Variants in TBX20 observed in about 807,000 individuals in gnomAD.
The protein encoded by TBX20 is T-box transcription factor 20.
Under a neutral mutation model 42.9 loss-of-function variants are expected in TBX20, and 8 were observed. That is an observed-to-expected ratio of 0.19 (90% CI 0.11 to 0.34). The LOEUF (loss-of-function observed/expected upper bound fraction) is 0.34. TBX20 is among the 10% of genes least tolerant of loss of function. The pLI is 1.00. For missense variants in TBX20, 411 were observed against 566.0 expected (o/e 0.73, Z 2.78); for synonymous variants, 198 against 222.8 (o/e 0.89, Z 0.99).
chr7:35,209,467 CCTTTATTAT>C (rs1789457656), intron 6 of TBX20, among the ~76,000 whole-genome samples: 1 of 151,996 alleles, frequency 6.6e-6, no homozygotes, highest in South Asian at 2.1e-4. Flanking sequence ...TCATAATATT[CCTTTATTAT>C]CTTTCCTTTT....
At chr7:35,233,199 G>A (rs1452194545) in intron 5 of TBX20, among the ~76,000 whole-genome samples, 1 of 152,094 alleles carries the variant, frequency 6.6e-6, no homozygotes, top group South Asian at 2.1e-4. Flanking sequence ...GGCACAAGCT[G>A]CAAAGAAGCT....
chr7:35,250,360 T>C (rs1031678166), intron 1 of TBX20, among the ~76,000 whole-genome samples, 157 bp from the exon 2 acceptor site: 3 of 152,212 alleles, frequency 2.0e-5, no homozygotes, highest in Admixed American at 6.5e-5. Flanking sequence ...CATCACTGTA[T>C]AAAATTACCT....
At chr7:35,252,204 A>G (rs1165847406) in intron 1 of TBX20, among the ~76,000 whole-genome samples, 2 of 152,208 alleles carry the variant, frequency 1.3e-5, no homozygotes, top group Non-Finnish European at 2.9e-5. Context: ...AGGGGCCCCT[A>G]AACAGCAATG....
intron 1 of TBX20, among the ~76,000 whole-genome samples, chr7:35,251,330 G>A (rs1790302021): frequency 6.6e-6 from 1 of 152,176 alleles, no homozygotes; most frequent in African/African-American, 2.4e-5. Flanking sequence ...ATCATAAGGT[G>A]TTTTATTTCC....
At position 35,253,825 on chromosome 7, in the gene TBX20, G is replaced by T. The variant is rs1317432142; in HGVS notation, c.-205C>A. The T allele has an allele frequency of 7.9e-6, 5 of 635,300 alleles. No individual in the cohort carries two copies. In the African/African-American group the frequency reaches 9.2e-5, roughly 12 times the overall value. The allele number at this position is 635,300 out of a possible 1,614,324, so 39.4% of individuals were successfully genotyped here. On this transcript the variant is annotated 5_prime_UTR_variant, in exon 1 of 8. Transcript: ENST00000408931. ...CACCGCAAAGCCCCAGAGCCGCAGA[G>T]ACTTCGAAGGCAGCCGGAGAGGAGA...
chr7:35,249,452 T>C lies in TBX20; in HGVS notation c.380+499A>G, dbSNP rs1790261911. Among the ~76,000 whole-genome samples the C allele has an allele frequency of 6.6e-6, 1 of 152,218 alleles. No individual in the cohort carries two copies. Among genetic ancestry groups the C allele is most frequent in the Non-Finnish European group, 1.5e-5 (1 of 68,040 alleles). Reference sequence around the variant, plus strand: ...CCAAGAGGCCCCGAGCAGTGCTCCTTCCTACAGGGAATTTTATCGTTTCAA... The same window carrying C: ...CCAAGAGGCCCCGAGCAGTGCTCCTCCCTACAGGGAATTTTATCGTTTCAA... On this transcript the variant is annotated intron_variant, in intron 2 of 7. Coordinates refer to ENST00000408931, the MANE Select transcript of TBX20 (RefSeq NM_001077653.2). This position sits in a 1 kb window ranked among gnomAD's most constrained non-coding sequence, Gnocchi z 4.3.
At chr7:35,221,905 G>A (rs1212479985) in intron 6 of TBX20, among the ~76,000 whole-genome samples, 2 of 152,090 alleles carry the variant, frequency 1.3e-5, no homozygotes, top group African/African-American at 4.8e-5. Flanking sequence ...AAGACCAAGG[G>A]CTAAAAATCT....
chr7:35,253,736 G>T lies in TBX20; in HGVS notation c.-116C>A. ...AAAGTTTCCGAGAGCAGTCACAGCG[G>T]GGCCAGGGACTCCAGAAGTGTCAGC... On this transcript the variant is annotated 5_prime_UTR_variant, in exon 1 of 8. Transcript: ENST00000408931. The T allele has an allele frequency of 7.2e-7, 1 of 1,387,682 alleles. No homozygotes were observed. The allele number at this position is 1,387,682 out of a possible 1,614,324, so 86.0% of individuals were successfully genotyped here.
chr7:35,223,815 C>T (rs1418023259), intron 6 of TBX20, among the ~76,000 whole-genome samples: 1 of 152,074 alleles, frequency 6.6e-6, no homozygotes, highest in Non-Finnish European at 1.5e-5. Context: ...TTCTGAGGAA[C>T]TTTAAGAAGG....
At chr7:35,205,219 T>C (rs13222494) in intron 6 of TBX20, among the ~76,000 whole-genome samples, 11,732 of 152,190 alleles carry the variant, frequency 0.077, 699 homozygotes, top group Admixed American at 0.19. Context: ...TAAGGAGTTT[T>C]AGCCTCTAGG....
chr7:35,207,251 C>T (rs56231984), intron 6 of TBX20, among the ~76,000 whole-genome samples: 32 of 152,154 alleles, frequency 2.1e-4, no homozygotes, highest in Non-Finnish European at 4.0e-4. Context: ...AATTGTGTTC[C>T]CCTAATGACT....
intron 1 of TBX20, among the ~76,000 whole-genome samples, chr7:35,250,775 T>C (rs1400268006): frequency 6.6e-6 from 1 of 152,254 alleles, no homozygotes. Context: ...AATCAGTTAC[T>C]TCACCTCTGT....
At position 35,204,520 on chromosome 7, in the gene TBX20, C is replaced by T. The variant is rs1293786786; in HGVS notation, c.953G>A (p.Gly318Glu). 1.9e-6 allele frequency: 3 copies of T among 1,614,068 alleles called. No homozygotes were observed. Among genetic ancestry groups the T allele is most frequent in the East Asian group, 2.2e-5 (1 of 44,896 alleles). ...SYARSPIRTY[G>E]GEEDVLGDES... ...ATCCCCCAAGACATCTTCTTCTCCT[C>T]CGTAGGTACGGATGGGTGAGCGTGC... is the stretch of plus-strand genomic sequence containing the variant. The change falls in exon 7 of 8, where the codon GGA becomes GAA. Residue 318 changes from glycine (G) to glutamate (E), a missense_variant. Physicochemically the swap from Gly to Glu is moderately conservative, Grantham distance 98. Transcript: ENST00000408931.
At chr7:35,209,426 T>C (rs1319718331) in intron 6 of TBX20, among the ~76,000 whole-genome samples, 2 of 152,188 alleles carry the variant, frequency 1.3e-5, no homozygotes, top group Non-Finnish European at 2.9e-5. Flanking sequence ...GTCCATTTTG[T>C]TTAAATTGTT....
chr7:35,223,208 G>A lies in TBX20; in HGVS notation c.890+8296C>T, dbSNP rs868813827. Among the ~76,000 whole-genome samples, 13 of 152,344 alleles carry A rather than the reference G, an allele frequency of 8.5e-5. 1 individual carries two copies. Among genetic ancestry groups the A allele is most frequent in the African/African-American group, 3.1e-4 (13 of 41,566 alleles). On this transcript the variant is annotated intron_variant, in intron 6 of 7. Transcript: ENST00000408931. ...AACACTGGGAAGGATGCGGTTATGA[G>A]CAGCTATGATGGGAACAGTAAGGGA... is the stretch of plus-strand genomic sequence containing the variant.
chr7:35,227,521 T>C (rs1789795753), intron 6 of TBX20, among the ~76,000 whole-genome samples: 1 of 152,184 alleles, frequency 6.6e-6, no homozygotes, highest in Non-Finnish European at 1.5e-5. Context: ...TACAATTGCT[T>C]ACAGTATTCA....
chr7:35,238,939 C>T (rs4723404), intron 5 of TBX20, among the ~76,000 whole-genome samples: 54,442 of 150,690 alleles, frequency 0.36, 10,191 homozygotes, highest in Admixed American at 0.46. Context: ...ATTTCTGAGA[C>T]AGCCCCATCA....
intron 6 of TBX20, among the ~76,000 whole-genome samples, chr7:35,216,073 C>T (rs2908042): frequency 2.6e-5 from 4 of 151,046 alleles, no homozygotes; most frequent in African/African-American, 7.3e-5. Flanking sequence ...GGCAATTATA[C>T]GTTTTCAGGT....
chr7:35,244,068 C>T (rs966343596), intron 4 of TBX20, among the ~76,000 whole-genome samples: 1 of 152,142 alleles, frequency 6.6e-6, no homozygotes, highest in African/African-American at 2.4e-5. Flanking sequence ...CCAAATATCA[C>T]ATGTACCCCA....
Sources: gnomAD v4.1 joint callset for allele counts (sites outside exome capture counted in the v4.1 genomes callset) on GRCh38, gnomAD v4.1.1 for gene constraint, Gnocchi (gnomAD v3.1) non-coding constraint, MANE v1.5 for transcripts, NCBI Gene and HGNC (gene_info 2026-07-23, HGNC 2026-07-21) for gene names.